CSMD1: variants seen among roughly 807,000 people sequenced by gnomAD.
CSMD1 encodes the protein CUB and sushi domain-containing protein 1.
CSMD1 carries 213 observed loss-of-function variants against 417.5 expected under a neutral mutation model. That is an observed-to-expected ratio of 0.51 (90% CI 0.46 to 0.57). The LOEUF is 0.57. Ranked by LOEUF, CSMD1 falls within the 20% of genes least tolerant of loss-of-function variation. The pLI is 0.00. For synonymous variants in CSMD1, 2,862 were observed against 1,736.8 expected (o/e 1.65, Z -16.11); for missense variants, 6,923 against 4,529.7 (o/e 1.53, Z -15.17).
chr8:4,056,464 C>T (rs1397298719), intron 3 of CSMD1, among the ~76,000 whole-genome samples: 2 of 150,230 alleles, frequency 1.3e-5, no homozygotes, highest in African/African-American at 4.9e-5. Context: ...TATTAAAATA[C>T]ACAAATAGTT....
intron 8 of CSMD1, among the ~76,000 whole-genome samples, chr8:3,589,103 A>G (rs1323604575): frequency 6.6e-6 from 1 of 152,158 alleles, no homozygotes; most frequent in Non-Finnish European, 1.5e-5. Context: ...GGATGTGGAG[A>G]AAAGGGAACC....
chr8:4,039,413 T>G (rs1009380668), intron 3 of CSMD1, among the ~76,000 whole-genome samples: 2 of 152,252 alleles, frequency 1.3e-5, no homozygotes, highest in African/African-American at 4.8e-5. Context: ...GTTATATAAT[T>G]TTCAGGATCA....
At chr8:3,670,352 G>A (rs1048625595) in intron 7 of CSMD1, among the ~76,000 whole-genome samples, 3 of 151,660 alleles carry the variant, frequency 2.0e-5, no homozygotes, top group African/African-American at 4.9e-5. Flanking sequence ...TTTGGGACTC[G>A]GGCTGGCTCT....
chr8:4,139,610 G>A (rs901602706), intron 3 of CSMD1, among the ~76,000 whole-genome samples: 1 of 151,204 alleles, frequency 6.6e-6, no homozygotes. Context: ...GGGACAAGGA[G>A]CAGAGGAAGG....
rs375859025 is a variant in CSMD1, at chr8:4,014,835, C to T, written c.611-16725G>A. Among the ~76,000 whole-genome samples, 21 of 152,236 alleles carry T rather than the reference C, an allele frequency of 1.4e-4. No homozygotes were observed. The South Asian group carries it at 3.7e-3, about 27-fold the overall frequency. On this transcript the variant is annotated intron_variant, in intron 4 of 69. Coordinates refer to ENST00000635120, the MANE Select transcript of CSMD1 (RefSeq NM_033225.6). Reference sequence around the variant, plus strand: ...GCTCTATAACCTAACATGGTATCTGCATGGAATAAAATAATTTTAGAAATA... The same window carrying T: ...GCTCTATAACCTAACATGGTATCTGTATGGAATAAAATAATTTTAGAAATA...
At chr8:3,750,127 G>C (rs979643613) in intron 6 of CSMD1, among the ~76,000 whole-genome samples, 1 of 152,078 alleles carries the variant, frequency 6.6e-6, no homozygotes, top group Non-Finnish European at 1.5e-5. Context: ...GGAAGGCTAG[G>C]AACCACAAAG....
At chr8:3,802,604 A>C (rs778558360) in intron 5 of CSMD1, among the ~76,000 whole-genome samples, 2 of 152,192 alleles carry the variant, frequency 1.3e-5, no homozygotes, top group Non-Finnish European at 1.5e-5. Context: ...GTAATTCACC[A>C]ACTGTTTATA....
chr8:3,547,491 G>C (rs1232316635), intron 10 of CSMD1, among the ~76,000 whole-genome samples: 1 of 152,126 alleles, frequency 6.6e-6, no homozygotes, highest in African/African-American at 2.4e-5. Context: ...TCCAACTTCT[G>C]AGCATATATT....
At chr8:4,210,480 CAA>C (rs1460087177) in intron 3 of CSMD1, among the ~76,000 whole-genome samples, 1 of 152,118 alleles carries the variant, frequency 6.6e-6, no homozygotes, top group Non-Finnish European at 1.5e-5. Context: ...TGCAAACAGA[CAA>C]TAATTCAGGA....
chr8:4,484,360 G>A (rs993693318), intron 2 of CSMD1, among the ~76,000 whole-genome samples: 1 of 152,144 alleles, frequency 6.6e-6, no homozygotes, highest in Non-Finnish European at 1.5e-5. Context: ...AGAGAAAGGT[G>A]GGGTTTACTT....
intron 5 of CSMD1, among the ~76,000 whole-genome samples, chr8:3,936,032 G>C (rs1359324215): frequency 6.6e-6 from 1 of 152,154 alleles, no homozygotes; most frequent in Non-Finnish European, 1.5e-5. Flanking sequence ...CCTTATTGCT[G>C]ATATGGAGAA....
At chr8:3,164,231 G>A (rs866742912) in intron 37 of CSMD1, among the ~76,000 whole-genome samples, 23 of 152,186 alleles carry the variant, frequency 1.5e-4, no homozygotes, top group Non-Finnish European at 1.5e-5. Flanking sequence ...AGTAATGTCA[G>A]GCCACAGAAC....
intron 1 of CSMD1, among the ~76,000 whole-genome samples, chr8:4,868,925 G>C (rs1303330290): frequency 6.6e-6 from 1 of 151,950 alleles, no homozygotes; most frequent in Non-Finnish European, 1.5e-5. Context: ...TCACTCATAT[G>C]TGTGTAGTTA....
intron 1 of CSMD1, among the ~76,000 whole-genome samples, chr8:4,817,802 A>G (rs1239782127): frequency 6.6e-6 from 1 of 152,220 alleles, no homozygotes; most frequent in Non-Finnish European, 1.5e-5. Context: ...ATCATGAGTG[A>G]TATATAAGTG....
chr8:4,896,634 C>A (rs562749446), intron 1 of CSMD1, among the ~76,000 whole-genome samples: 14 of 152,184 alleles, frequency 9.2e-5, no homozygotes, highest in African/African-American at 3.4e-4. Flanking sequence ...AAAACAGAAA[C>A]CACTGCAAGT....
Position 3,881,274 on chromosome 8 carries a change from T to TTC in CSMD1, c.818+116628_818+116629insGA, listed in dbSNP as rs1554472473. ...TTTCTTTGTTTTTTGCTTTTTTTTTTCACTAATTCATAAGCCAATTCTAAT... is the reference window on the plus strand; with the variant it reads ...TTTCTTTGTTTTTTGCTTTTTTTTTTTCCACTAATTCATAAGCCAATTCTAAT... On this transcript the variant is annotated intron_variant, in intron 5 of 69. Transcript: ENST00000635120. Among the ~76,000 whole-genome samples the TTC allele has an allele frequency of 1.2e-3, 181 of 150,948 alleles. 1 individual carries two copies. Among genetic ancestry groups the TTC allele is most frequent in the African/African-American group, 4.3e-3 (176 of 41,246 alleles).
intron 3 of CSMD1, among the ~76,000 whole-genome samples, chr8:4,214,652 ATG>A (rs911299949): frequency 1.2e-4 from 18 of 152,146 alleles, no homozygotes; most frequent in Admixed American, 7.9e-4. Flanking sequence ...ATGCACGTGT[ATG>A]TGTGTGTGTA....
intron 1 of CSMD1, among the ~76,000 whole-genome samples, chr8:4,952,417 G>C (rs775027775): frequency 2.6e-5 from 4 of 151,990 alleles, no homozygotes; most frequent in East Asian, 1.9e-4. Flanking sequence ...AAATGGAAGA[G>C]TCTATATTAG....
intron 3 of CSMD1, among the ~76,000 whole-genome samples, chr8:4,177,850 G>C (rs1042868526): frequency 6.6e-6 from 1 of 151,402 alleles, no homozygotes; most frequent in East Asian, 1.9e-4. Context: ...TAAATTCCTC[G>C]ACACATACAC....
Sources: allele counts gnomAD v4.1 joint callset (sites outside exome capture counted in the v4.1 genomes callset), GRCh38; gene constraint gnomAD v4.1.1; transcripts MANE v1.5; gene names NCBI Gene and HGNC (gene_info 2026-07-23, HGNC 2026-07-21).